Variants in MSRA observed in about 807,000 individuals in gnomAD.
MSRA encodes mitochondrial peptide methionine sulfoxide reductase.
In MSRA, 54 loss-of-function variants were observed where a neutral mutation model predicts 31.3. The ratio of observed to expected loss-of-function variants is 1.73; its 90% CI spans 1.39 to 2.17. MSRA has a LOEUF of 2.17. Among genes scored for constraint, MSRA ranks in the 30% most tolerant of loss-of-function variants. The pLI is 0.00. For synonymous variants in MSRA, 169 were observed against 116.5 expected, an observed-to-expected ratio of 1.45 and a Z score of -2.90; for missense variants, 507 against 300.9, an observed-to-expected ratio of 1.69 and a Z score of -5.07.
At chr8:10,240,828 C>G (rs1180611112) in intron 2 of MSRA, among the ~76,000 whole-genome samples, 1 of 152,022 alleles carries the variant, frequency 6.6e-6, no homozygotes, top group African/African-American at 2.4e-5. Flanking sequence ...ATTCAACACC[C>G]CACCCCCCGC....
At chr8:10,143,722 C>T (rs773608174) in intron 1 of MSRA, among the ~76,000 whole-genome samples, 4 of 152,154 alleles carry the variant, frequency 2.6e-5, no homozygotes, top group African/African-American at 4.8e-5. Flanking sequence ...GGGCCACTTT[C>T]GTTTCCAATC....
intron 1 of MSRA, among the ~76,000 whole-genome samples, chr8:10,083,339 G>C (rs985843409): frequency 1.3e-5 from 2 of 152,128 alleles, no homozygotes; most frequent in Admixed American, 6.5e-5. Flanking sequence ...GAGGTATTAG[G>C]TTAAAATACT....
intron 1 of MSRA, among the ~76,000 whole-genome samples, chr8:10,115,927 G>A (rs1334897554): frequency 1.3e-5 from 2 of 152,214 alleles, no homozygotes; most frequent in Non-Finnish European, 2.9e-5. Context: ...AATAAAACCA[G>A]GTTGTGGTGG....
chr8:10,340,678 G>C (rs1803370456), intron 5 of MSRA, among the ~76,000 whole-genome samples: 1 of 152,222 alleles, frequency 6.6e-6, no homozygotes, highest in Non-Finnish European at 1.5e-5. Flanking sequence ...CCGCCAGATT[G>C]GAAGTTATTA....
intron 1 of MSRA, among the ~76,000 whole-genome samples, chr8:10,198,331 TCTTA>T (rs1808178509): frequency 1.3e-5 from 2 of 151,960 alleles, no homozygotes; most frequent in Non-Finnish European, 2.9e-5. Flanking sequence ...TTTTTGTTGT[TCTTA>T]CTTTTTCCCC....
chr8:10,113,082 G>A (rs1341669480), intron 1 of MSRA, among the ~76,000 whole-genome samples: 1 of 152,046 alleles, frequency 6.6e-6, no homozygotes, highest in Admixed American at 6.6e-5. Context: ...AGAGCGTAGG[G>A]CTTGTCAGTC....
chr8:10,252,123 G>A (rs185307112), intron 3 of MSRA, among the ~76,000 whole-genome samples: 1 of 152,334 alleles, frequency 6.6e-6, no homozygotes, highest in African/African-American at 2.4e-5. Context: ...TATTAAGAAT[G>A]TTGGGAAACC....
intron 5 of MSRA, among the ~76,000 whole-genome samples, chr8:10,363,550 A>G (rs970282846): frequency 1.3e-5 from 2 of 152,108 alleles, no homozygotes; most frequent in South Asian, 2.1e-4. Flanking sequence ...TCACCTTAGT[A>G]GTCCCCTTAG....
At chr8:10,154,275 C>T (rs963135558) in intron 1 of MSRA, among the ~76,000 whole-genome samples, 16 of 151,698 alleles carry the variant, frequency 1.1e-4, no homozygotes, top group Non-Finnish European at 2.2e-4. Context: ...ACCAAGGTTA[C>T]GGCAGGGCAG....
At chr8:10,370,158 C>G (rs962599318) in intron 5 of MSRA, among the ~76,000 whole-genome samples, 1 of 152,216 alleles carries the variant, frequency 6.6e-6, no homozygotes, top group African/African-American at 2.4e-5. Context: ...TTCATTCCCT[C>G]AAGCCTGGTT....
At chr8:10,313,778 T>C (rs1308617600) in intron 4 of MSRA, among the ~76,000 whole-genome samples, 2 of 152,204 alleles carry the variant, frequency 1.3e-5, no homozygotes, top group Non-Finnish European at 2.9e-5. Flanking sequence ...CTTCCAGATA[T>C]CGAGTCATTA....
chr8:10,206,739 C>A (rs889261215), intron 1 of MSRA, among the ~76,000 whole-genome samples: 4 of 152,236 alleles, frequency 2.6e-5, no homozygotes, highest in African/African-American at 7.2e-5. Context: ...ACTTCCCACC[C>A]AGCTCTCCTG....
chr8:10,163,495 C>T (rs1307479758), intron 1 of MSRA, among the ~76,000 whole-genome samples: 1 of 152,238 alleles, frequency 6.6e-6, no homozygotes, highest in African/African-American at 2.4e-5. Context: ...CTGACATCAG[C>T]TAGTCATTCT....
intron 1 of MSRA, among the ~76,000 whole-genome samples, chr8:10,165,548 T>G (rs1206904469): frequency 6.6e-6 from 1 of 152,126 alleles, no homozygotes; most frequent in Non-Finnish European, 1.5e-5. Context: ...CAGCAGCACG[T>G]TGGTACCTGG....
At chr8:10,065,482 C>A (rs1043722231) in intron 1 of MSRA, among the ~76,000 whole-genome samples, 3 of 152,164 alleles carry the variant, frequency 2.0e-5, no homozygotes, top group Non-Finnish European at 4.4e-5. Context: ...GCAGTTTAGA[C>A]CTTGGATGAG....
intron 3 of MSRA, among the ~76,000 whole-genome samples, chr8:10,287,404 A>G (rs768357539): frequency 7.2e-5 from 11 of 152,244 alleles, no homozygotes; most frequent in Non-Finnish European, 1.3e-4. Context: ...AATGCATATG[A>G]AAGCATTTCA....
intron 2 of MSRA, among the ~76,000 whole-genome samples, chr8:10,221,516 AG>A (rs1430002613): frequency 6.6e-6 from 1 of 152,070 alleles, no homozygotes; most frequent in East Asian, 1.9e-4. Flanking sequence ...TGACTTCCCC[AG>A]GGTCAGGCTA....
chr8:10,294,404 G>C (rs1800416044), intron 3 of MSRA, among the ~76,000 whole-genome samples: 2 of 152,130 alleles, frequency 1.3e-5, no homozygotes, highest in Admixed American at 6.5e-5. Context: ...GTGGAGTTTT[G>C]AGCTAATCAT....
At chr8:10,385,380 GGA>G (rs548392082) in intron 5 of MSRA, among the ~76,000 whole-genome samples, 224 of 152,360 alleles carry the variant, frequency 1.5e-3, no homozygotes, top group Admixed American at 3.6e-3. Flanking sequence ...GCCTGGTTGA[GGA>G]GAGAGTTCAA....
Sources: gnomAD v4.1 joint callset for allele counts (sites outside exome capture counted in the v4.1 genomes callset) on GRCh38, gnomAD v4.1.1 for gene constraint, MANE v1.5 for transcripts, NCBI Gene and HGNC (gene_info 2026-07-23, HGNC 2026-07-21) for gene names.